Variants in CLOCK observed in about 807,000 individuals in gnomAD.
CLOCK encodes circadian locomoter output cycles protein kaput.
CLOCK carries 43 observed loss-of-function variants against 118.4 expected under a neutral mutation model. That is an observed-to-expected ratio of 0.36 (90% CI 0.28 to 0.47). The LOEUF is 0.47. CLOCK is among the 20% of genes least tolerant of loss of function. CLOCK has a pLI of 1.00. For missense variants in CLOCK, 846 were observed against 999.9 expected, an observed-to-expected ratio of 0.85 and a Z score of 2.08; for synonymous variants, 326 against 339.2, an observed-to-expected ratio of 0.96 and a Z score of 0.43.
At chr4:55,476,610 G>A (rs78061907) in intron 6 of CLOCK, among the ~76,000 whole-genome samples, 2 of 152,180 alleles carry the variant, frequency 1.3e-5, no homozygotes, top group African/African-American at 4.8e-5. Context: ...CTTTACTACA[G>A]TAATATTCCC....
At chr4:55,524,389 ACT>A (rs1211636117) in intron 1 of CLOCK, among the ~76,000 whole-genome samples, 2 of 151,998 alleles carry the variant, frequency 1.3e-5, no homozygotes, top group African/African-American at 4.8e-5. Context: ...ACAGAGTGAG[ACT>A]CTGTCTCAAA....
chr4:55,471,017 C>G (rs1726110755), intron 7 of CLOCK, among the ~76,000 whole-genome samples: 1 of 152,056 alleles, frequency 6.6e-6, no homozygotes, highest in East Asian at 1.9e-4. Context: ...TCTCTCTGGC[C>G]ATCTATTGGA....
At chr4:55,516,581 T>C (rs1277238707) in intron 1 of CLOCK, among the ~76,000 whole-genome samples, 2 of 152,236 alleles carry the variant, frequency 1.3e-5, no homozygotes, top group African/African-American at 2.4e-5. Context: ...TTTTAATCTA[T>C]GTATCTATAT....
rs7661784 is a variant in CLOCK, at chr4:55,530,111, C to T, written c.-290+16671G>A. On this transcript the variant is annotated intron_variant, in intron 1 of 22. Transcript: ENST00000513440. ...CATTTTCCATAACTGAAGGGAGACA[C>T]TTGCATTTCAACTGAAAGGACCTAC... 9.6e-3 allele frequency among the ~76,000 whole-genome samples: 1,433 copies of T among 149,842 alleles called. 27 individuals are homozygous for T. The highest frequency in any genetic ancestry group is 0.033 in the African/African-American group (1,367 of 41,132).
At position 55,527,520 on chromosome 4, in the gene CLOCK, T is replaced by TA. The variant is rs776357970; in HGVS notation, c.-289-17456dup. Among the ~76,000 whole-genome samples the TA allele has an allele frequency of 3.0e-4, 46 of 151,990 alleles. No individual in the cohort carries two copies. In the East Asian group the frequency reaches 3.7e-3, roughly 12 times the overall value. Reference sequence around the variant, plus strand: ...TTCCTCTCCCAAATAATACCTTTTTTAAAAAAAGATTCAATCATTATATAG... The same window carrying TA: ...TTCCTCTCCCAAATAATACCTTTTTTAAAAAAAAGATTCAATCATTATATAG... On this transcript the variant is annotated intron_variant, in intron 1 of 22. Transcript: ENST00000513440.
At chr4:55,487,826 T>C (rs1359052082) in intron 3 of CLOCK, among the ~76,000 whole-genome samples, 2 of 152,216 alleles carry the variant, frequency 1.3e-5, no homozygotes, top group Non-Finnish European at 2.9e-5. Context: ...CTTAGGATCC[T>C]GGGATTTGCA....
At chr4:55,460,224 A>G (rs1725231719) in intron 9 of CLOCK, among the ~76,000 whole-genome samples, 1 of 152,090 alleles carries the variant, frequency 6.6e-6, no homozygotes, top group African/African-American at 2.4e-5. Context: ...GCATAAACTT[A>G]CCTTCCCACC....
At chr4:55,546,135 G>A (rs1306925888) in intron 1 of CLOCK, among the ~76,000 whole-genome samples, 1 of 152,168 alleles carries the variant, frequency 6.6e-6, no homozygotes, top group Non-Finnish European at 1.5e-5. Flanking sequence ...GTGGTGACAG[G>A]AATAAAGTGG....
intron 2 of CLOCK, among the ~76,000 whole-genome samples, chr4:55,508,252 T>C (rs1184906556): frequency 6.6e-6 from 1 of 152,206 alleles, no homozygotes; most frequent in Non-Finnish European, 1.5e-5. Context: ...GTATGTAAGG[T>C]ATTATAGTAA....
At position 55,470,703 on chromosome 4, in the gene CLOCK, A is replaced by G; in HGVS notation, c.438+14T>C. 1 of 1,523,078 alleles carries G rather than the reference A, an allele frequency of 6.6e-7. No homozygotes were observed. The highest frequency in any genetic ancestry group is 9.1e-7 in the Non-Finnish European group (1 of 1,097,876). The allele number at this position is 1,523,078 out of a possible 1,614,324, so 94.3% of individuals were successfully genotyped here. A position where few individuals can be genotyped will look rare whatever the true frequency, so the allele number is the denominator to read the frequency against. On this transcript the variant is annotated intron_variant, in intron 8 of 22. Transcript: ENST00000513440. ...ATTTTAATACGAAGTAGATTGTAGG[A>G]TCTTTATACTTACTGGTAAATGTTC...
At chr4:55,504,283 C>CAAA (rs35414558) in intron 2 of CLOCK, among the ~76,000 whole-genome samples, 1,270 of 51,436 alleles carry the variant, frequency 0.025, 72 homozygotes, top group East Asian at 0.04. Flanking sequence ...GAGACTCCAT[C>CAAA]AAAAAAAAAA....
chr4:55,506,373 T>C (rs376765122), intron 2 of CLOCK, among the ~76,000 whole-genome samples: 2 of 152,066 alleles, frequency 1.3e-5, no homozygotes, highest in East Asian at 3.9e-4. Context: ...TTAAACAATC[T>C]TATCTTTACA....
intron 1 of CLOCK, among the ~76,000 whole-genome samples, chr4:55,541,461 T>C (rs551239544): frequency 6.6e-6 from 1 of 152,288 alleles, no homozygotes; most frequent in South Asian, 2.1e-4. Context: ...CAGATAAACA[T>C]CAAAAGGTTT....
rs778745529 is a variant in CLOCK, at chr4:55,443,885, T to C, written c.1704A>G (p.Gln568=). The C allele has an allele frequency of 3.1e-6, 5 of 1,612,182 alleles. No homozygotes were observed. Among genetic ancestry groups the C allele is most frequent in the Non-Finnish European group, 3.4e-6 (4 of 1,179,706 alleles). ...CAAAATTCAACCCAGGATTTGATTG[T>C]TGCAAAAACATCTTTAAAAATAAAG... ...VHGQGLQMFL[Q]QSNPGLNFGS... is the part of the protein sequence containing the mutation. Residue 568 remains glutamine (Q), a synonymous_variant, in exon 20 of 23, where the codon CAA becomes CAG. Coordinates refer to ENST00000513440, the MANE Select transcript of CLOCK (RefSeq NM_004898.4).
chr4:55,502,227 T>C (rs1294945135), intron 2 of CLOCK, among the ~76,000 whole-genome samples: 1 of 152,162 alleles, frequency 6.6e-6, no homozygotes, highest in African/African-American at 2.4e-5. Flanking sequence ...GCTTATAAGC[T>C]GAGTGCAGAA....
Position 55,431,582 on chromosome 4 carries a change from C to G in CLOCK, c.*3833G>C, listed in dbSNP as rs1389207059. 6.6e-6 allele frequency: 1 copy of G among 152,192 alleles called. No individual in the cohort carries two copies. 9.4% of individuals were successfully genotyped at this position (152,192 alleles called of 1,614,324 possible). A position where few individuals can be genotyped will look rare whatever the true frequency, so the allele number is the denominator to read the frequency against. On this transcript the variant is annotated 3_prime_UTR_variant, in exon 23 of 23. Transcript: ENST00000513440. ...AAGACTCACTCAGCAACATTAATAT[C>G]CAGTGTTTACCCCCTTCCAACAGGG...
At chr4:55,492,296 G>A (rs1002720683) in intron 2 of CLOCK, among the ~76,000 whole-genome samples, 3 of 150,446 alleles carry the variant, frequency 2.0e-5, no homozygotes, top group Non-Finnish European at 4.4e-5. Flanking sequence ...GATAAAAATC[G>A]TATGAGGGAT....
rs112843054 is a variant in CLOCK, at chr4:55,446,104, T to C, written c.1540-1319A>G. On this transcript the variant is annotated intron_variant, in intron 18 of 22. Transcript: ENST00000513440. ...TTACTGGAAAAAAATTTAACTTCTTTTTTTTTTTTTTTTTTTTGAGACAGA... is the reference window on the plus strand; with the variant it reads ...TTACTGGAAAAAAATTTAACTTCTTCTTTTTTTTTTTTTTTTTGAGACAGA... 9.0e-3 allele frequency among the ~76,000 whole-genome samples: 306 copies of C among 33,972 alleles called. 5 individuals are homozygous for C. Among genetic ancestry groups the C allele is most frequent in the East Asian group, 0.057 (37 of 652 alleles). The allele number at this position is 33,972 out of a possible 152,430, so 22.3% of individuals were successfully genotyped here.
intron 1 of CLOCK, among the ~76,000 whole-genome samples, chr4:55,517,467 G>A (rs896465834): frequency 8.6e-5 from 13 of 151,842 alleles, no homozygotes; most frequent in African/African-American, 2.4e-4. Context: ...CCGAGATCAC[G>A]CCACTGCACT....
Sources: gnomAD v4.1 joint callset for allele counts (sites outside exome capture counted in the v4.1 genomes callset) on GRCh38, gnomAD v4.1.1 for gene constraint, MANE v1.5 for transcripts, NCBI Gene and HGNC (gene_info 2026-07-23, HGNC 2026-07-21) for gene names.